ARAP2: variants seen among roughly 807,000 people sequenced by gnomAD.
The protein encoded by ARAP2 is ArfGAP with RhoGAP domain, ankyrin repeat and PH domain 2, also known as arf-GAP with Rho-GAP domain, ANK repeat and PH domain-containing protein 2.
A neutral mutation model predicts 194.5 loss-of-function variants in ARAP2; 148 were observed. The observed-to-expected ratio is 0.76, with a 90% CI of 0.67 to 0.87. The LOEUF is 0.87. Among genes scored for constraint, ARAP2 ranks in the 40% least tolerant of loss-of-function variants. ARAP2 has a pLI of 0.00. For missense variants in ARAP2, 2,128 were observed against 1,989.7 expected (o/e 1.07, Z -1.32); for synonymous variants, 695 against 683.5 (o/e 1.02, Z -0.26).
chr4:36,160,441 T>G lies in ARAP2; in HGVS notation c.2442+18A>C. 1 of 1,514,494 alleles carries G rather than the reference T, an allele frequency of 6.6e-7. No homozygotes were observed. The highest frequency in any genetic ancestry group is 1.3e-5 in the South Asian group (1 of 74,938). The allele number at this position is 1,514,494 out of a possible 1,614,324, so 93.8% of individuals were successfully genotyped here. The stretch of plus-strand genomic sequence containing the variant: ...AAGACATTAAAATCCACGTCTGCTG[T>G]TATGTTTAATTGAATACCTTATTTA... On this transcript the variant is annotated intron_variant, in intron 13 of 32. Coordinates refer to ENST00000303965, the MANE Select transcript of ARAP2 (RefSeq NM_015230.4).
intron 6 of ARAP2, among the ~76,000 whole-genome samples, chr4:36,018,589 G>T (rs1716317056): frequency 6.6e-6 from 1 of 152,110 alleles, no homozygotes; most frequent in African/African-American, 2.4e-5. Flanking sequence ...GAGGTATTTA[G>T]CAAATAAATT....
At chr4:36,127,710 GAAAT>G (rs2109580414) in intron 21 of ARAP2, among the ~76,000 whole-genome samples, 1 of 151,646 alleles carries the variant, frequency 6.6e-6, no homozygotes, top group South Asian at 2.1e-4. Context: ...GAACAAGAGA[GAAAT>G]AAAAATTATC....
At chr4:36,217,677 C>T (rs1435746825) in intron 2 of ARAP2, among the ~76,000 whole-genome samples, 2 of 150,974 alleles carry the variant, frequency 1.3e-5, no homozygotes, top group African/African-American at 4.9e-5. Flanking sequence ...AGTATAAGGG[C>T]ATTAAAAAAC....
At chr4:36,049,667 A>G (rs550479302) in intron 3 of ARAP2, among the ~76,000 whole-genome samples, 100 of 152,220 alleles carry the variant, frequency 6.6e-4, no homozygotes, top group Admixed American at 3.9e-4. Context: ...TCTAATTGAA[A>G]TGAGATGAGT....
intron 15 of ARAP2, among the ~76,000 whole-genome samples, chr4:36,152,909 C>T (rs1731350206): frequency 6.6e-6 from 1 of 152,214 alleles, no homozygotes; most frequent in Non-Finnish European, 1.5e-5. Context: ...ATGGCAGAGG[C>T]CAGACCCTAA....
chr4:36,231,371 A>C (rs969844228), intron 1 of ARAP2, among the ~76,000 whole-genome samples: 1 of 151,980 alleles, frequency 6.6e-6, no homozygotes, highest in Non-Finnish European at 1.5e-5. Context: ...AAAAAATTTT[A>C]AAAAAAGAAA....
At chr4:36,056,700 C>T (rs1723575331) in intron 2 of ARAP2, among the ~76,000 whole-genome samples, 1 of 151,854 alleles carries the variant, frequency 6.6e-6, no homozygotes, top group Non-Finnish European at 1.5e-5. Context: ...CTGTTTTTGT[C>T]CCTTTTTCTT....
At chr4:36,201,251 G>T (rs1030058821) in intron 6 of ARAP2, among the ~76,000 whole-genome samples, 1 of 152,152 alleles carries the variant, frequency 6.6e-6, no homozygotes, top group Non-Finnish European at 1.5e-5. Context: ...AAGTCATACA[G>T]GTAATAAAGA....
rs1017112417 is a variant in ARAP2 at position 36,244,364 on chromosome 4, G to C, written c.-345C>G. ...GCTGCCTGGCGGCGGCCGCGCGGGC[G>C]GCGCTGTTAGTGGGGCCGGCGTGTC... is the stretch of plus-strand genomic sequence containing the variant. On this transcript the variant is annotated 5_prime_UTR_variant, in exon 1 of 33. Transcript: ENST00000303965. 1 of 151,150 alleles carries C rather than the reference G, an allele frequency of 6.6e-6. No individual in the cohort carries two copies. The highest frequency in any genetic ancestry group is 1.5e-5 in the Non-Finnish European group (1 of 67,692). The allele number at this position is 151,150 out of a possible 1,614,324, so 9.4% of individuals were successfully genotyped here. A position where few individuals can be genotyped will look rare whatever the true frequency, so the allele number is the denominator to read the frequency against.
intron 6 of ARAP2, among the ~76,000 whole-genome samples, chr4:36,194,481 C>G (rs575055940): frequency 1.4e-4 from 22 of 152,184 alleles, no homozygotes; most frequent in African/African-American, 2.2e-4. Flanking sequence ...AATATTATTT[C>G]TAAACAAATA....
At chr4:36,088,018 T>C (rs891603314) in intron 28 of ARAP2, among the ~76,000 whole-genome samples, 1 of 152,098 alleles carries the variant, frequency 6.6e-6, no homozygotes, top group Non-Finnish European at 1.5e-5. Context: ...CCAAATAAAA[T>C]GTACGGAACT....
chr4:36,055,913 G>C (rs950711701), intron 2 of ARAP2, among the ~76,000 whole-genome samples: 2 of 152,112 alleles, frequency 1.3e-5, no homozygotes, highest in African/African-American at 4.8e-5. Context: ...TTCAGAGTGG[G>C]CAAGAGTTGG....
At chr4:36,075,070 C>T (rs1319517047) in intron 31 of ARAP2, among the ~76,000 whole-genome samples, 1 of 152,072 alleles carries the variant, frequency 6.6e-6, no homozygotes, top group East Asian at 1.9e-4. Flanking sequence ...TTTTATGACA[C>T]AGTACCAAAC....
intron 6 of ARAP2, among the ~76,000 whole-genome samples, chr4:36,204,555 G>A (rs567967434): frequency 2.0e-5 from 3 of 152,264 alleles, no homozygotes; most frequent in Admixed American, 6.5e-5. Flanking sequence ...GTGTGCACTC[G>A]GCCTGGGGAA....
rs556784166 is a variant in ARAP2 at position 36,053,792 on chromosome 4, A to G, written n.322-1739T>C. ...TAGGTAACTTCTAATCAAATCCCAGAGGGCCGGCAAGTTTATTCGCATTAT... is the reference window on the plus strand; with the variant it reads ...TAGGTAACTTCTAATCAAATCCCAGGGGGCCGGCAAGTTTATTCGCATTAT... On this transcript the variant is annotated intron_variant and non_coding_transcript_variant, in intron 2 of 12. Transcript: ENST00000503225. Among the ~76,000 whole-genome samples the G allele has an allele frequency of 2.6e-5, 4 of 152,340 alleles. No homozygotes were observed. In the South Asian group the frequency reaches 8.3e-4, roughly 32 times the overall value.
intron 1 of ARAP2, among the ~76,000 whole-genome samples, chr4:36,234,874 G>T (rs959168560): frequency 2.6e-5 from 4 of 152,098 alleles, no homozygotes; most frequent in Admixed American, 1.3e-4. Context: ...TATAAGCATG[G>T]TGCATCATGT....
chr4:36,014,847 A>T, intron 8 of ARAP2, among the ~76,000 whole-genome samples: 1 of 152,186 alleles, frequency 6.6e-6, no homozygotes, highest in Non-Finnish European at 1.5e-5. Context: ...AAGAAGAGGA[A>T]GAGAGACTCA....
chr4:36,189,014 A>C (rs1165411307), intron 7 of ARAP2, among the ~76,000 whole-genome samples: 1 of 152,154 alleles, frequency 6.6e-6, no homozygotes, highest in Non-Finnish European at 1.5e-5. Flanking sequence ...TTATCCATCA[A>C]AATCCTATCC....
chr4:36,043,133 C>A (rs1193503869), intron 5 of ARAP2, among the ~76,000 whole-genome samples: 2 of 152,000 alleles, frequency 1.3e-5, no homozygotes, highest in African/African-American at 4.8e-5. Context: ...GTGAGCCACC[C>A]CACCTGCACT....
Sources: gnomAD v4.1 joint callset for allele counts (sites outside exome capture counted in the v4.1 genomes callset) on GRCh38, gnomAD v4.1.1 for gene constraint, MANE v1.5 for transcripts, NCBI Gene and HGNC (gene_info 2026-07-23, HGNC 2026-07-21) for gene names.